The following TRPC5 variants were observed in gnomAD, a reference collection of about 807,000 sequenced individuals.
TRPC5 encodes the protein short transient receptor potential channel 5.
In TRPC5, 9 loss-of-function variants were observed where a neutral mutation model predicts 56.5. The ratio of observed to expected loss-of-function variants is 0.16; its 90% CI spans 0.10 to 0.28. The LOEUF is 0.28. Among genes scored for constraint, TRPC5 ranks in the 10% least tolerant of loss-of-function variants. The pLI, the probability that TRPC5 is intolerant of heterozygous loss-of-function variation, is 1.00. For synonymous variants in TRPC5, 282 were observed against 278.5 expected (o/e 1.01, Z -0.13); for missense variants, 469 against 748.9 (o/e 0.63, Z 4.36).
intron 1 of TRPC5, among the ~76,000 whole-genome samples, chrX:112,067,021 C>T (rs1294481394): frequency 1.8e-5 from 2 of 112,413 alleles, no homozygotes; most frequent in Non-Finnish European, 3.8e-5. Flanking sequence ...CCACACATAT[C>T]CGGAGCTTCA....
chrX:111,905,685 C>T (rs1448667309), intron 3 of TRPC5, among the ~76,000 whole-genome samples: 1 of 110,664 alleles, frequency 9.0e-6, no homozygotes, highest in Non-Finnish European at 1.9e-5. Context: ...GAGGCCAAGG[C>T]AAGTGGATCA....
rs772603251 is a variant in TRPC5 at position 112,020,226 on chromosome X, C to T, written c.-22+61653G>A. 1.3e-3 allele frequency among the ~76,000 whole-genome samples: 148 copies of T among 111,745 alleles called. 1 individual carries two copies. Among genetic ancestry groups the T allele is most frequent in the Admixed American group, 2.5e-3 (26 of 10,484 alleles). On this transcript the variant is annotated intron_variant, in intron 1 of 10. Coordinates refer to ENST00000262839, the MANE Select transcript of TRPC5 (RefSeq NM_012471.3). ...TGTTAAATCATGAATTGTGCTGAAT[C>T]TTCCATTTTTCAGATGTATATTTTT...
chrX:112,048,586 A>G (rs1930132438), intron 1 of TRPC5, among the ~76,000 whole-genome samples: 1 of 110,494 alleles, frequency 9.1e-6, no homozygotes, highest in African/African-American at 3.3e-5. Flanking sequence ...GGGAAGGATT[A>G]CCACATCAGC....
At chrX:111,959,163 G>A (rs1301772375) in intron 1 of TRPC5, among the ~76,000 whole-genome samples, 3 of 112,102 alleles carry the variant, frequency 2.7e-5, no homozygotes, top group African/African-American at 9.7e-5. Context: ...TGTACTTTTG[G>A]TTTGTAAGCC....
intron 1 of TRPC5, among the ~76,000 whole-genome samples, chrX:112,068,306 C>G (rs1569530575): frequency 8.9e-6 from 1 of 112,459 alleles, no homozygotes; most frequent in Non-Finnish European, 1.9e-5. Flanking sequence ...AGAAAAAGCA[C>G]TGAATAATTT....
At chrX:112,073,125 T>C (rs1930754753) in intron 1 of TRPC5, among the ~76,000 whole-genome samples, 1 of 112,214 alleles carries the variant, frequency 8.9e-6, no homozygotes, top group South Asian at 3.7e-4. Flanking sequence ...CACAGGTCTC[T>C]TTTTGCCTTC....
At chrX:111,808,953 C>A (rs1240019409) in intron 7 of TRPC5, among the ~76,000 whole-genome samples, 1 of 109,663 alleles carries the variant, frequency 9.1e-6, no homozygotes, top group Non-Finnish European at 1.9e-5. Context: ...ATTCAAGAGC[C>A]AGGGCCTGGA....
intron 1 of TRPC5, among the ~76,000 whole-genome samples, chrX:111,999,510 C>T (rs748777013): frequency 1.8e-5 from 2 of 112,075 alleles, no homozygotes; most frequent in Non-Finnish European, 3.8e-5. Flanking sequence ...TCTTTGTCCA[C>T]TCATCTGTTG....
chrX:111,826,367 C>T (rs1411012202), intron 7 of TRPC5, among the ~76,000 whole-genome samples: 2 of 112,149 alleles, frequency 1.8e-5, no homozygotes, highest in Non-Finnish European at 3.8e-5. Context: ...AGATTATCAG[C>T]AGGTGTTCAT....
At chrX:111,815,888 G>T (rs1384059568) in intron 7 of TRPC5, among the ~76,000 whole-genome samples, 1 of 111,291 alleles carries the variant, frequency 9.0e-6, no homozygotes, top group Non-Finnish European at 1.9e-5. Context: ...TGCATCCCTG[G>T]TGATAATGTT....
chrX:111,952,218 G>A lies in TRPC5; in HGVS notation c.203C>T (p.Pro68Leu). Reference sequence around the variant, plus strand: ...AATGAGCAGGGCACTCCGGCCCAAGGGGTCCATGCAGTTGATGTTAACATT... The same window carrying A: ...AATGAGCAGGGCACTCCGGCCCAAGAGGTCCATGCAGTTGATGTTAACATT... The part of the protein sequence containing the change: ...YYNVNINCMD[P>L]LGRSALLIAI... The change falls in exon 2 of 11, where the codon CCC (proline) becomes CTC (leucine). Residue 68 changes from proline to leucine, a missense_variant. Pro to Leu is a moderately conservative substitution (Grantham distance 98, BLOSUM62 -3). Coordinates refer to ENST00000262839, the MANE Select transcript of TRPC5 (RefSeq NM_012471.3). The A allele has an allele frequency of 8.3e-7, 1 of 1,211,846 alleles. No homozygotes were observed. Among genetic ancestry groups the A allele is most frequent in the South Asian group, 1.8e-5 (1 of 56,985 alleles).
At chrX:111,965,287 A>G (rs1452321757) in intron 1 of TRPC5, among the ~76,000 whole-genome samples, 2 of 112,249 alleles carry the variant, frequency 1.8e-5, no homozygotes, top group African/African-American at 6.5e-5. Context: ...TCCTAAATAT[A>G]TATGCACCCA....
intron 2 of TRPC5, among the ~76,000 whole-genome samples, chrX:111,939,745 C>T (rs1926714312): frequency 9.0e-6 from 1 of 111,713 alleles, no homozygotes; most frequent in Non-Finnish European, 1.9e-5. Context: ...GTTGTAGTTT[C>T]TCATTTTTAA....
chrX:112,049,467 T>C (rs1278140889), intron 1 of TRPC5, among the ~76,000 whole-genome samples: 2 of 106,877 alleles, frequency 1.9e-5, no homozygotes, highest in Non-Finnish European at 3.8e-5. Flanking sequence ...ATATATACTA[T>C]ACAAAATATG....
At chrX:111,902,281 T>G (rs1394550197) in intron 3 of TRPC5, 1 of 562,667 alleles carries the variant, frequency 1.8e-6, no homozygotes, top group Non-Finnish European at 2.6e-6. Context: ...ATATGTGTTT[T>G]CTCATAGTTC....
intron 2 of TRPC5, among the ~76,000 whole-genome samples, chrX:111,944,300 G>GTT (rs1926866510): frequency 1.1e-5 from 1 of 88,466 alleles, no homozygotes; most frequent in African/African-American, 5.5e-5. Flanking sequence ...GTGTGTGTGT[G>GTT]TGTGAGAGAG....
intron 7 of TRPC5, among the ~76,000 whole-genome samples, chrX:111,822,652 G>A (rs1922069041): frequency 8.9e-6 from 1 of 112,344 alleles, no homozygotes; most frequent in Admixed American, 9.4e-5. Context: ...CCACTGCCAA[G>A]AATGTAGTGT....
At chrX:111,954,146 T>G (rs936610633) in intron 1 of TRPC5, among the ~76,000 whole-genome samples, 2 of 112,484 alleles carry the variant, frequency 1.8e-5, no homozygotes, top group African/African-American at 3.2e-5. Context: ...GCACAAAACT[T>G]TAATGATACT....
intron 3 of TRPC5, among the ~76,000 whole-genome samples, chrX:111,908,191 G>GT (rs1212341293): frequency 2.3e-4 from 25 of 110,108 alleles, no homozygotes; most frequent in East Asian, 8.6e-4. Flanking sequence ...AAGGATTACA[G>GT]TTTTTTTTTC....
Sources: gnomAD v4.1 joint callset for allele counts (sites outside exome capture counted in the v4.1 genomes callset) on GRCh38, gnomAD v4.1.1 for gene constraint, MANE v1.5 for transcripts, NCBI Gene and HGNC (gene_info 2026-07-23, HGNC 2026-07-21) for gene names.